VAT1L: variants seen among roughly 807,000 people sequenced by gnomAD.
VAT1L encodes the protein putative NADPH-dependent quinone oxidoreductase VAT1L.
A neutral mutation model predicts 44.1 loss-of-function variants in VAT1L; 34 were observed. The observed-to-expected ratio is 0.77, with a 90% CI of 0.59 to 1.03. The LOEUF is 1.03. Among genes scored for constraint, VAT1L ranks in the 50% least tolerant of loss-of-function variants. The pLI is 0.00. For missense variants in VAT1L, 615 were observed against 538.8 expected (o/e 1.14, Z -1.40); for synonymous variants, 253 against 202.2 (o/e 1.25, Z -2.13).
intron 7 of VAT1L, among the ~76,000 whole-genome samples, chr16:77,967,922 T>C (rs1445888243): frequency 6.6e-6 from 1 of 152,098 alleles, no homozygotes; most frequent in Non-Finnish European, 1.5e-5. Context: ...GAAAGAGCTT[T>C]AGTTTTGAAG....
At chr16:77,904,700 C>A (rs1199298756) in intron 7 of VAT1L, among the ~76,000 whole-genome samples, 2 of 152,168 alleles carry the variant, frequency 1.3e-5, no homozygotes, top group East Asian at 3.9e-4. Context: ...TTCCTATATT[C>A]CCTAGGGAGA....
chr16:77,843,361 G>GT (rs2016726469), intron 3 of VAT1L, among the ~76,000 whole-genome samples: 1 of 152,094 alleles, frequency 6.6e-6, no homozygotes, highest in Non-Finnish European at 1.5e-5. Flanking sequence ...ACTTAAAGAG[G>GT]TGGGCACATT....
Position 77,977,753 on chromosome 16 carries a change from GAA to G in VAT1L, c.*61_*62del. 6.5e-7 allele frequency: 1 copy of G among 1,532,280 alleles called. No homozygotes were observed. Among genetic ancestry groups the G allele is most frequent in the Non-Finnish European group, 8.9e-7 (1 of 1,119,080 alleles). The allele number at this position is 1,532,280 out of a possible 1,614,324, so 94.9% of individuals were successfully genotyped here. On this transcript the variant is annotated 3_prime_UTR_variant, in exon 9 of 9. Coordinates refer to ENST00000302536, the MANE Select transcript of VAT1L (RefSeq NM_020927.3). ...GTTTGGAAGATGAGGACCCGGCTGA[GAA>G]AACTCTTCTGTGCCCCAGTGAACAA...
At chr16:77,863,128 G>A (rs1047328959) in intron 4 of VAT1L, among the ~76,000 whole-genome samples, 6 of 152,184 alleles carry the variant, frequency 3.9e-5, no homozygotes, top group African/African-American at 7.2e-5. Context: ...TTAAAGTTAC[G>A]CTAGCTCCTA....
intron 1 of VAT1L, among the ~76,000 whole-genome samples, chr16:77,792,602 T>C (rs1227518595): frequency 1.3e-5 from 2 of 151,998 alleles, no homozygotes; most frequent in Non-Finnish European, 2.9e-5. Context: ...ACATTGAGCC[T>C]CTCAAGCAGA....
At chr16:77,942,176 C>A (rs1446357741) in intron 7 of VAT1L, among the ~76,000 whole-genome samples, 2 of 152,136 alleles carry the variant, frequency 1.3e-5, no homozygotes, top group Non-Finnish European at 2.9e-5. Context: ...CTGGGGAGGT[C>A]TCACAATCAT....
At chr16:77,976,209 G>A (rs1372460251) in intron 8 of VAT1L, among the ~76,000 whole-genome samples, 12 of 152,200 alleles carry the variant, frequency 7.9e-5, no homozygotes, top group Admixed American at 7.8e-4. Context: ...AGGGGCAGAT[G>A]GACATTGGCC....
At chr16:77,874,839 T>TAAAAAAAAAAAAAAAAAAAAAAAAAAA (rs769810512) in intron 4 of VAT1L, among the ~76,000 whole-genome samples, 1 of 87,718 alleles carries the variant, frequency 1.1e-5, no homozygotes, top group Non-Finnish European at 2.3e-5. Context: ...AATTAATTTG[T>TAAAAAAAAAAAAAAAAAAAAAAAAAAA]AAAAAAAAAA....
chr16:77,891,483 T>C (rs2017265492), intron 7 of VAT1L, among the ~76,000 whole-genome samples: 1 of 152,224 alleles, frequency 6.6e-6, no homozygotes, highest in Admixed American at 6.5e-5. Flanking sequence ...TATGAGACGG[T>C]ATCATCCTTT....
chr16:77,928,194 G>A (rs2017690800), intron 7 of VAT1L, among the ~76,000 whole-genome samples: 1 of 152,114 alleles, frequency 6.6e-6, no homozygotes, highest in African/African-American at 2.4e-5. Context: ...AGCAAGACCT[G>A]GCTCTGGTTC....
intron 8 of VAT1L, among the ~76,000 whole-genome samples, chr16:77,976,044 G>C (rs768434710): frequency 1.3e-5 from 2 of 152,188 alleles, no homozygotes; most frequent in Non-Finnish European, 2.9e-5. Context: ...GAGCCAATTG[G>C]CATATTGGTG....
In VAT1L at chr16:77,958,106, C is replaced by A. The variant is rs559114622; in HGVS notation, c.1078-13744C>A. Among the ~76,000 whole-genome samples the A allele has an allele frequency of 1.4e-4, 22 of 152,166 alleles. No homozygotes were observed. The East Asian group carries it at 3.9e-3, about 27-fold the overall frequency. ...TATTTTTTGTAGAGATGAGCATTTG[C>A]CATGTGGGCCAGGCTGGCCTCAAAC... is the stretch of plus-strand genomic sequence containing the variant. On this transcript the variant is annotated intron_variant, in intron 7 of 8. Coordinates refer to ENST00000302536, the MANE Select transcript of VAT1L (RefSeq NM_020927.3).
At chr16:77,871,769 ATTCTAC>A (rs936833535) in intron 4 of VAT1L, among the ~76,000 whole-genome samples, 19 of 152,116 alleles carry the variant, frequency 1.2e-4, no homozygotes, top group Non-Finnish European at 2.8e-4. Flanking sequence ...ACTTCTTAGC[ATTCTAC>A]TTGGGACATA....
At chr16:77,885,028 C>G (rs2017195808) in intron 7 of VAT1L, among the ~76,000 whole-genome samples, 1 of 152,212 alleles carries the variant, frequency 6.6e-6, no homozygotes, top group African/African-American at 2.4e-5. Context: ...CATTTGTGCT[C>G]TGAACCCTTC....
At chr16:77,972,367 G>T (rs1757199623) in intron 8 of VAT1L, among the ~76,000 whole-genome samples, 1 of 151,980 alleles carries the variant, frequency 6.6e-6, no homozygotes, top group African/African-American at 2.4e-5. Flanking sequence ...CACCCAGGCT[G>T]GAGTGCAGTA....
At chr16:77,816,872 T>C in intron 1 of VAT1L, 49 bp from the exon 2 acceptor site, 1 of 1,543,350 alleles carries the variant, frequency 6.5e-7, no homozygotes, top group Non-Finnish European at 8.8e-7. Flanking sequence ...CGGTGCTTTC[T>C]TTTGGATCTC....
intron 1 of VAT1L, among the ~76,000 whole-genome samples, chr16:77,806,441 C>T (rs1043499690): frequency 6.7e-6 from 1 of 149,892 alleles, no homozygotes; most frequent in African/African-American, 2.4e-5. Context: ...GATTTCCTGA[C>T]CTCGTGATCT....
intron 7 of VAT1L, among the ~76,000 whole-genome samples, chr16:77,903,962 T>A (rs550055021): frequency 6.6e-6 from 1 of 152,072 alleles, no homozygotes; most frequent in African/African-American, 2.4e-5. Context: ...GGTCTCGATC[T>A]CATGACCTTG....
At chr16:77,962,427 T>A (rs913374783) in intron 7 of VAT1L, among the ~76,000 whole-genome samples, 1 of 151,994 alleles carries the variant, frequency 6.6e-6, no homozygotes, top group Non-Finnish European at 1.5e-5. Flanking sequence ...TAGGTAGGGA[T>A]GCAAGCAGAG....
Sources: allele counts gnomAD v4.1 joint callset (sites outside exome capture counted in the v4.1 genomes callset), GRCh38; gene constraint gnomAD v4.1.1; transcripts MANE v1.5; gene names NCBI Gene and HGNC (gene_info 2026-07-23, HGNC 2026-07-21).